The following OSBPL1A variants were observed in gnomAD, a reference collection of about 807,000 sequenced individuals.
OSBPL1A encodes the protein oxysterol binding protein like 1A, also known as oxysterol-binding protein-related protein 1.
In OSBPL1A, 80 loss-of-function variants were observed where a neutral mutation model predicts 137.1. That is an observed-to-expected ratio of 0.58 (90% CI 0.49 to 0.70). The LOEUF is 0.70. OSBPL1A is among the 30% of genes least tolerant of loss of function. OSBPL1A has a pLI of 0.00. For missense variants in OSBPL1A, 970 were observed against 1,129.4 expected, an observed-to-expected ratio of 0.86 and a Z score of 2.02; for synonymous variants, 365 against 389.7, an observed-to-expected ratio of 0.94 and a Z score of 0.75.
At chr18:24,384,448 C>T (rs1906803648) in intron 1 of OSBPL1A, among the ~76,000 whole-genome samples, 1 of 152,114 alleles carries the variant, frequency 6.6e-6, no homozygotes, top group Non-Finnish European at 1.5e-5. Flanking sequence ...GTGGCACATG[C>T]CTGTAGTCCC....
intron 14 of OSBPL1A, among the ~76,000 whole-genome samples, chr18:24,296,576 T>C (rs1185329480): frequency 6.6e-6 from 1 of 152,194 alleles, no homozygotes; most frequent in Non-Finnish European, 1.5e-5. Flanking sequence ...ATCCTTTTCT[T>C]ATTTCAGTTC....
chr18:24,165,768 T>C (rs2086131748), intron 26 of OSBPL1A, among the ~76,000 whole-genome samples: 1 of 152,180 alleles, frequency 6.6e-6, no homozygotes, highest in Admixed American at 6.5e-5. Flanking sequence ...GCCCCCCTTT[T>C]GAGAACCACT....
At chr18:24,228,987 G>T (rs538363490) in intron 16 of OSBPL1A, among the ~76,000 whole-genome samples, 34 of 152,224 alleles carry the variant, frequency 2.2e-4, no homozygotes, top group African/African-American at 8.2e-4. Flanking sequence ...TATCACTTGA[G>T]GTCAGGAGTT....
chr18:24,384,678 T>C (rs1024865975), intron 1 of OSBPL1A, among the ~76,000 whole-genome samples: 4 of 151,982 alleles, frequency 2.6e-5, no homozygotes, highest in Non-Finnish European at 5.9e-5. Context: ...CGGACCAGCG[T>C]GGCCAACATG....
rs577640597 is a variant in OSBPL1A at position 24,322,186 on chromosome 18, T to C, written c.626-3377A>G. On this transcript the variant is annotated intron_variant, in intron 7 of 27. Transcript: ENST00000319481. Reference sequence around the variant, plus strand: ...GTGCAGTGGCACCATCTCAGCTCACTGCAAGCTCTGCCTCCCGGGTTCATG... The same window carrying C: ...GTGCAGTGGCACCATCTCAGCTCACCGCAAGCTCTGCCTCCCGGGTTCATG... 2.0e-5 allele frequency among the ~76,000 whole-genome samples: 3 copies of C among 149,280 alleles called. No individual in the cohort carries two copies. The South Asian group carries it at 6.4e-4, about 32-fold the overall frequency.
intron 15 of OSBPL1A, among the ~76,000 whole-genome samples, chr18:24,277,753 A>G (rs1222572663): frequency 6.6e-6 from 1 of 152,232 alleles, no homozygotes; most frequent in African/African-American, 2.4e-5. Flanking sequence ...TGTAATCCTT[A>G]TGCATTTGAA....
rs565119844 is a variant in OSBPL1A, at chr18:24,385,136, A to G, written c.-2-7601T>C. On this transcript the variant is annotated intron_variant, in intron 1 of 27. Transcript: ENST00000319481. ...CACCCGGCTAATTTTTTGTATTTTTAGTAGAGACAGGGTTTCACTGTGTTA... is the reference window on the plus strand; with the variant it reads ...CACCCGGCTAATTTTTTGTATTTTTGGTAGAGACAGGGTTTCACTGTGTTA... Among the ~76,000 whole-genome samples, 7 of 152,000 alleles carry G rather than the reference A, an allele frequency of 4.6e-5. No homozygotes were observed. In the East Asian group the frequency reaches 1.2e-3, roughly 26 times the overall value.
At chr18:24,299,174 T>TA (rs1441228625) in intron 14 of OSBPL1A, among the ~76,000 whole-genome samples, 2 of 151,762 alleles carry the variant, frequency 1.3e-5, no homozygotes, top group African/African-American at 2.4e-5. Context: ...GTGATTTTTT[T>TA]ATCTGTTGGC....
intron 14 of OSBPL1A, among the ~76,000 whole-genome samples, chr18:24,292,141 CTAGTGG>C (rs1196218985): frequency 1.1e-4 from 17 of 151,998 alleles, no homozygotes; most frequent in Non-Finnish European, 4.4e-5. Flanking sequence ...CTTCAAAATG[CTAGTGG>C]AAGATAACTA....
Position 24,293,125 on chromosome 18 carries a change from A to AAAAAAAAAAAG in OSBPL1A, c.1174+10511_1174+10512insCTTTTTTTTTT, listed in dbSNP as rs200624581. On this transcript the variant is annotated intron_variant, in intron 14 of 27. Coordinates refer to ENST00000319481, the MANE Select transcript of OSBPL1A (RefSeq NM_080597.4). The stretch of plus-strand genomic sequence containing the variant: ...GTCTCAAAAAAAAAAAAAAAAAAAA[A>AAAAAAAAAAAG]AAAGAAAAGAAAAGAAAAAATTAAA... Among the ~76,000 whole-genome samples the AAAAAAAAAAAG allele has an allele frequency of 5.2e-4, 43 of 82,102 alleles. 1 individual carries two copies. Among genetic ancestry groups the AAAAAAAAAAAG allele is most frequent in the African/African-American group, 1.5e-3 (38 of 25,074 alleles). 53.9% of individuals were successfully genotyped at this position (82,102 alleles called of 152,430 possible).
intron 17 of OSBPL1A, among the ~76,000 whole-genome samples, chr18:24,220,805 T>C (rs78059608): frequency 7.9e-5 from 12 of 151,986 alleles, no homozygotes; most frequent in African/African-American, 2.9e-4. Context: ...GAAGTGAGAT[T>C]TTGTTTTGTT....
chr18:24,203,169 GT>G (rs2087268202), intron 17 of OSBPL1A, among the ~76,000 whole-genome samples: 1 of 151,972 alleles, frequency 6.6e-6, no homozygotes, highest in African/African-American at 2.4e-5. Context: ...TAGAGATGGG[GT>G]TTCACCATGT....
intron 13 of OSBPL1A, among the ~76,000 whole-genome samples, chr18:24,308,920 G>A (rs567564121): frequency 7.9e-5 from 12 of 151,944 alleles, no homozygotes; most frequent in South Asian, 2.1e-4. Flanking sequence ...ACAGGCGCCC[G>A]CCACCATGCC....
chr18:24,285,882 C>T lies in OSBPL1A; in HGVS notation c.1175-4934G>A, dbSNP rs553451298. On this transcript the variant is annotated intron_variant, in intron 14 of 27. Transcript: ENST00000319481. ...TTTAAAATGGACTTTCAAGGCTGGG[C>T]GCGGTGGTTGATACCTGTAATCCCA... is the stretch of plus-strand genomic sequence containing the variant. Among the ~76,000 whole-genome samples the T allele has an allele frequency of 7.2e-5, 11 of 152,206 alleles. No homozygotes were observed. The South Asian group carries it at 1.9e-3, about 26-fold the overall frequency.
At chr18:24,282,464 T>C (rs550483203) in intron 14 of OSBPL1A, among the ~76,000 whole-genome samples, 16 of 152,316 alleles carry the variant, frequency 1.1e-4, no homozygotes, top group African/African-American at 3.8e-4. Context: ...ATTGAGTATA[T>C]GTTTAAGTTG....
chr18:24,189,659 C>CCT (rs2086835978), intron 18 of OSBPL1A, among the ~76,000 whole-genome samples: 1 of 152,232 alleles, frequency 6.6e-6, no homozygotes, highest in African/African-American at 2.4e-5. Flanking sequence ...CTCAGTTCCC[C>CCT]CCGCTCCACA....
chr18:24,241,721 T>C (rs1396015145), intron 15 of OSBPL1A, among the ~76,000 whole-genome samples: 1 of 152,214 alleles, frequency 6.6e-6, no homozygotes, highest in Admixed American at 6.5e-5. Flanking sequence ...AGTGTGGCGA[T>C]TCCTCAAGGA....
chr18:24,356,006 GA>G (rs1298228834), intron 4 of OSBPL1A, among the ~76,000 whole-genome samples: 6 of 134,770 alleles, frequency 4.5e-5, no homozygotes, highest in African/African-American at 9.0e-5. Context: ...AAAAAGAAAA[GA>G]AAAAAAAAGA....
intron 18 of OSBPL1A, among the ~76,000 whole-genome samples, chr18:24,184,943 C>T (rs1204379549): frequency 1.3e-5 from 2 of 152,142 alleles, no homozygotes; most frequent in Non-Finnish European, 2.9e-5. Flanking sequence ...ATGCGGTTAA[C>T]ACAGCTAAAT....
Sources: gnomAD v4.1 joint callset for allele counts (sites outside exome capture counted in the v4.1 genomes callset) on GRCh38, gnomAD v4.1.1 for gene constraint, MANE v1.5 for transcripts, NCBI Gene and HGNC (gene_info 2026-07-23, HGNC 2026-07-21) for gene names.